Variants in FGF14 observed in about 807,000 individuals in gnomAD.
FGF14 encodes the protein fibroblast growth factor homologous factor 4.
In FGF14, 5 loss-of-function variants were observed where a neutral mutation model predicts 25.5. The observed-to-expected ratio is 0.20, with a 90% CI of 0.10 to 0.41. The LOEUF (loss-of-function observed/expected upper bound fraction) is 0.41. Ranked by LOEUF, FGF14 falls within the 10% of genes least tolerant of loss-of-function variation. The pLI, the probability that FGF14 is intolerant of heterozygous loss-of-function variation, is 1.00. For missense variants in FGF14, 222 were observed against 320.1 expected (o/e 0.69, Z 2.34); for synonymous variants, 138 against 118.3 (o/e 1.17, Z -1.08).
intron 1 of FGF14, among the ~76,000 whole-genome samples, chr13:102,182,302 G>A (rs989766895): frequency 3.3e-5 from 5 of 152,130 alleles, no homozygotes; most frequent in African/African-American, 1.2e-4. Context: ...CTGACAACTG[G>A]CAAGGCAAGA....
At chr13:101,836,964 C>G (rs1251186176) in intron 3 of FGF14, among the ~76,000 whole-genome samples, 1 of 151,980 alleles carries the variant, frequency 6.6e-6, no homozygotes, top group Non-Finnish European at 1.5e-5. Context: ...GAATTGATAG[C>G]TGAAGTTTAT....
At chr13:102,372,017 G>A (rs1226331122) in intron 1 of FGF14, among the ~76,000 whole-genome samples, 2 of 152,120 alleles carry the variant, frequency 1.3e-5, no homozygotes, top group Non-Finnish European at 2.9e-5. Context: ...AGATAAGTAG[G>A]AAGATGTTCT....
At chr13:102,386,858 T>C (rs1228164452) in intron 1 of FGF14, among the ~76,000 whole-genome samples, 2 of 152,232 alleles carry the variant, frequency 1.3e-5, no homozygotes, top group African/African-American at 4.8e-5. Context: ...CAGGATTTAG[T>C]ACTGTGCAGC....
At chr13:102,005,663 C>A (rs1483713951) in intron 1 of FGF14, among the ~76,000 whole-genome samples, 1 of 152,142 alleles carries the variant, frequency 6.6e-6, no homozygotes, top group Non-Finnish European at 1.5e-5. Flanking sequence ...ACCAATAAAA[C>A]ACGGAAAAGT....
At chr13:102,246,845 C>T (rs78525365) in intron 1 of FGF14, among the ~76,000 whole-genome samples, 4,048 of 151,854 alleles carry the variant, frequency 0.027, 173 homozygotes, top group African/African-American at 0.092. Context: ...AACTATACTA[C>T]AGTGCTGCAG....
chr13:101,906,828 A>G (rs935880956), intron 1 of FGF14, among the ~76,000 whole-genome samples: 2 of 152,156 alleles, frequency 1.3e-5, no homozygotes, highest in Non-Finnish European at 2.9e-5. Flanking sequence ...TGTCTGTGTA[A>G]TAGGTAGGTA....
intron 1 of FGF14, among the ~76,000 whole-genome samples, chr13:102,168,658 A>G (rs1034787765): frequency 6.6e-6 from 1 of 152,122 alleles, no homozygotes; most frequent in African/African-American, 2.4e-5. Context: ...TGGATTCCTT[A>G]TTTTGAACTT....
intron 1 of FGF14, among the ~76,000 whole-genome samples, chr13:102,123,842 G>C (rs969839995): frequency 3.9e-5 from 6 of 152,096 alleles, no homozygotes; most frequent in African/African-American, 1.4e-4. Context: ...TCATTTACGT[G>C]AATTAAATGT....
intron 1 of FGF14, among the ~76,000 whole-genome samples, chr13:102,255,429 A>C (rs982813301): frequency 6.6e-5 from 10 of 152,254 alleles, no homozygotes; most frequent in Non-Finnish European, 1.2e-4. Flanking sequence ...CACACAATAA[A>C]GAAAAAAGAA....
At position 101,720,227 on chromosome 13, in the gene FGF14, T is replaced by G. The variant is rs1431632581; in HGVS notation, c.*2604A>C. The stretch of plus-strand genomic sequence containing the variant: ...ATGCAGCTCATCATTGCTGTCCTCT[T>G]CCCATGCTACAGGTGAGACCAGACA... On this transcript the variant is annotated 3_prime_UTR_variant, in exon 5 of 5. Transcript: ENST00000376143. 1.3e-5 allele frequency: 2 copies of G among 152,016 alleles called. No homozygotes were observed. Among genetic ancestry groups the G allele is most frequent in the Non-Finnish European group, 2.9e-5 (2 of 68,000 alleles). The allele number at this position is 152,016 out of a possible 1,614,324, so 9.4% of individuals were successfully genotyped here.
At chr13:102,073,009 A>G (rs2043212328) in intron 1 of FGF14, among the ~76,000 whole-genome samples, 1 of 152,220 alleles carries the variant, frequency 6.6e-6, no homozygotes, top group African/African-American at 2.4e-5. Flanking sequence ...ACCTAGCCAG[A>G]GGCTGGCAGA....
chr13:102,349,859 A>C (rs2057223037), intron 1 of FGF14, among the ~76,000 whole-genome samples: 2 of 152,226 alleles, frequency 1.3e-5, no homozygotes, highest in Admixed American at 6.5e-5. Flanking sequence ...TTCAAATATT[A>C]CTTTCACTAA....
chr13:102,383,772 G>A (rs2058239571), intron 1 of FGF14, among the ~76,000 whole-genome samples: 1 of 149,720 alleles, frequency 6.7e-6, no homozygotes, highest in Non-Finnish European at 1.5e-5. Flanking sequence ...AATCCCCTTG[G>A]GAAGATTAAG....
At chr13:102,285,888 T>G (rs934387912) in intron 1 of FGF14, among the ~76,000 whole-genome samples, 1 of 152,158 alleles carries the variant, frequency 6.6e-6, no homozygotes, top group Non-Finnish European at 1.5e-5. Flanking sequence ...AGGCAAAGGG[T>G]TGCAGAGTTG....
At chr13:102,084,449 T>G (rs2043792612) in intron 1 of FGF14, among the ~76,000 whole-genome samples, 1 of 152,174 alleles carries the variant, frequency 6.6e-6, no homozygotes, top group African/African-American at 2.4e-5. Flanking sequence ...TTAGCTTCCT[T>G]ACTAACAAGA....
chr13:101,838,457 T>G (rs999512575), intron 3 of FGF14, among the ~76,000 whole-genome samples: 3 of 152,018 alleles, frequency 2.0e-5, no homozygotes, highest in Non-Finnish European at 4.4e-5. Context: ...AGCCAAAATA[T>G]GCATGGGAGT....
chr13:102,135,017 CCACACACACACACACACACACACACACA>C (rs71125050), intron 1 of FGF14, among the ~76,000 whole-genome samples: 1 of 142,548 alleles, frequency 7.0e-6, no homozygotes, highest in Non-Finnish European at 1.5e-5. Context: ...GACCCCGTGT[CCACACACACACACACACACACACACACA>C]CACACACACA....
In FGF14 at chr13:102,020,922, T is replaced by TAA. The variant is rs35573849; in HGVS notation, c.209-145628_209-145627dup. On this transcript the variant is annotated intron_variant, in intron 1 of 4. Coordinates refer to the FGF14 transcript ENST00000376131. Reference sequence around the variant, plus strand: ...AATAAGATGTCGATGAACACAGAGATAAAAAAAAAAAGGCTGAAGAATGGC... The same window carrying TAA: ...AATAAGATGTCGATGAACACAGAGATAAAAAAAAAAAAAGGCTGAAGAATGGC... Among the ~76,000 whole-genome samples, 391 of 143,788 alleles carry TAA rather than the reference T, an allele frequency of 2.7e-3. 3 individuals are homozygous for TAA. The highest frequency in any genetic ancestry group is 9.2e-3 in the African/African-American group (368 of 40,042). The allele number at this position is 143,788 out of a possible 152,430, so 94.3% of individuals were successfully genotyped here. A position where few individuals can be genotyped will look rare whatever the true frequency, so the allele number is the denominator to read the frequency against.
chr13:102,122,291 C>G (rs1436538449), intron 1 of FGF14, among the ~76,000 whole-genome samples: 1 of 152,186 alleles, frequency 6.6e-6, no homozygotes, highest in Non-Finnish European at 1.5e-5. Flanking sequence ...AGCTGAAATT[C>G]TCTTTTATTA....
Sources: allele counts gnomAD v4.1 joint callset (sites outside exome capture counted in the v4.1 genomes callset), GRCh38; gene constraint gnomAD v4.1.1; transcripts MANE v1.5; gene names NCBI Gene and HGNC (gene_info 2026-07-23, HGNC 2026-07-21).